Variants in HGS observed in about 807,000 individuals in gnomAD.
HGS encodes the protein hepatocyte growth factor-regulated tyrosine kinase substrate.
In HGS, 63 loss-of-function variants were observed where a neutral mutation model predicts 109.7. The ratio of observed to expected loss-of-function variants is 0.57; its 90% CI spans 0.47 to 0.71. The LOEUF (loss-of-function observed/expected upper bound fraction) is 0.71, where lower values mean the gene tolerates loss of function less well. Among genes scored for constraint, HGS ranks in the 30% least tolerant of loss-of-function variants. The pLI, the probability that HGS is intolerant of heterozygous loss-of-function variation, is 0.00. For missense variants in HGS, 995 were observed against 1,068.3 expected (o/e 0.93, Z 0.96); for synonymous variants, 546 against 437.3 (o/e 1.25, Z -3.10).
At position 81,685,022 on chromosome 17, in the gene HGS, C is replaced by A. The variant is rs767751439; in HGVS notation, c.38-583C>A. The A allele has an allele frequency of 7.1e-6, 7 of 985,264 alleles. No individual in the cohort carries two copies. The South Asian group carries it at 1.9e-4, about 26-fold the overall frequency. The allele number at this position is 985,264 out of a possible 1,614,324, so 61.0% of individuals were successfully genotyped here. A position where few individuals can be genotyped will look rare whatever the true frequency, so the allele number is the denominator to read the frequency against. ...TGTGGGCAGAGCTGGAGCTGCCCCCCCAGAGGGGCCAGTTGTTGGAGACAG... is the reference window on the plus strand; with the variant it reads ...TGTGGGCAGAGCTGGAGCTGCCCCCACAGAGGGGCCAGTTGTTGGAGACAG... On this transcript the variant is annotated intron_variant, in intron 1 of 21. Coordinates refer to ENST00000329138, the MANE Select transcript of HGS (RefSeq NM_004712.5).
chr17:81,697,138 T>G (rs1342980371), intron 18 of HGS, 140 bp downstream of exon 18: 3 of 970,782 alleles, frequency 3.1e-6, no homozygotes, highest in South Asian at 1.9e-5. Context: ...TTTTCCTGTT[T>G]CCATGCAAAC....
chr17:81,695,619 C>T (rs1246387443), intron 14 of HGS, 167 bp from the exon 15 acceptor site: 15 of 656,880 alleles, frequency 2.3e-5, no homozygotes, highest in East Asian at 8.2e-5. Flanking sequence ...ACAAGGACCC[C>T]GCCTCCAGGG....
intron 14 of HGS, 135 bp downstream of exon 14, chr17:81,695,358 GCCTGC>G (rs960462351): frequency 2.5e-4 from 227 of 920,956 alleles, no homozygotes; most frequent in Middle Eastern, 2.4e-3. Context: ...CCCAGCCCTG[GCCTGC>G]CCTGCCCTGC....
rs1236550221 is a variant in HGS at position 81,690,166 on chromosome 17, G to A, written c.416-16G>A. ...CCAGGTGGGAGCAGGCAGTGACTATGGCTTCATCTCTCCAGGGCACGTCTT... is the reference window on the plus strand; with the variant it reads ...CCAGGTGGGAGCAGGCAGTGACTATAGCTTCATCTCTCCAGGGCACGTCTT... On this transcript the variant is annotated splice_polypyrimidine_tract_variant and intron_variant, in intron 5 of 21. Transcript: ENST00000329138. The A allele has an allele frequency of 1.2e-6, 2 of 1,612,038 alleles. No homozygotes were observed. Among genetic ancestry groups the A allele is most frequent in the African/African-American group, 1.3e-5 (1 of 74,908 alleles).
At position 81,695,052 on chromosome 17, in the gene HGS, C is replaced by G; in HGVS notation, c.1104C>G (p.Pro368=). Residue 368 remains proline, a synonymous_variant, in exon 13 of 22, where the codon CCC becomes CCG. Transcript: ENST00000329138. ...AAQPGEGHAA[P]TNVVENPLPE... ...AGCCTGGGGAAGGGCACGCAGCCCC[C>G]ACCAACGTGGTGGAGGTGAGGGGGC... is the stretch of plus-strand genomic sequence containing the variant. 6.2e-7 allele frequency: 1 copy of G among 1,613,436 alleles called. No individual in the cohort carries two copies. Among genetic ancestry groups the G allele is most frequent in the Non-Finnish European group, 8.5e-7 (1 of 1,179,506 alleles).
At chr17:81,693,396 ACT>A (rs1598747085) in intron 8 of HGS, 105 bp from the exon 9 acceptor site, 2 of 802,482 alleles carry the variant, frequency 2.5e-6, no homozygotes, top group East Asian at 4.9e-5. Flanking sequence ...CACTGTCCTC[ACT>A]CTGTGGGGAC....
chr17:81,695,602 C>A, intron 14 of HGS, 184 bp from the exon 15 acceptor site: 2 of 628,602 alleles, frequency 3.2e-6, no homozygotes, highest in Middle Eastern at 4.3e-4. Context: ...CCAGGGCTTG[C>A]AGCTGGACAA....
chr17:81,696,344 C>T lies in HGS; in HGVS notation c.1394-13C>T, dbSNP rs1598749109. ...GCCGGAGTGGTCAGGGTTGCTCTGTCATCTGCCCACAGTGTACTATGAGGG... is the reference window on the plus strand; with the variant it reads ...GCCGGAGTGGTCAGGGTTGCTCTGTTATCTGCCCACAGTGTACTATGAGGG... On this transcript the variant is annotated splice_polypyrimidine_tract_variant and intron_variant, in intron 15 of 21. Coordinates refer to ENST00000329138, the MANE Select transcript of HGS (RefSeq NM_004712.5). The T allele has an allele frequency of 1.3e-6, 2 of 1,556,684 alleles. No individual in the cohort carries two copies. The highest frequency in any genetic ancestry group is 1.7e-6 in the Non-Finnish European group (2 of 1,155,732).
chr17:81,700,169 A>C (rs1243855607), intron 18 of HGS, among the ~76,000 whole-genome samples: 1 of 151,716 alleles, frequency 6.6e-6, no homozygotes, highest in Non-Finnish European at 1.5e-5. Flanking sequence ...GATCAAGACA[A>C]TCCTGGCCAA....
In HGS at chr17:81,696,338, C is replaced by A; in HGVS notation, c.1394-19C>A. On this transcript the variant is annotated intron_variant, in intron 15 of 21. Transcript: ENST00000329138. The stretch of plus-strand genomic sequence containing the variant: ...CACTGTGCCGGAGTGGTCAGGGTTG[C>A]TCTGTCATCTGCCCACAGTGTACTA... The A allele has an allele frequency of 1.3e-6, 2 of 1,548,604 alleles. No homozygotes were observed. The highest frequency in any genetic ancestry group is 1.7e-6 in the Non-Finnish European group (2 of 1,151,526).
chr17:81,697,154 C>T (rs1336179911), intron 18 of HGS, 156 bp downstream of exon 18: 1 of 803,644 alleles, frequency 1.2e-6, no homozygotes, highest in Non-Finnish European at 1.9e-6. Context: ...CAAACGCACT[C>T]ACACAGGCTT....
chr17:81,684,746 C>T (rs1279164630), intron 1 of HGS, among the ~76,000 whole-genome samples: 2 of 152,144 alleles, frequency 1.3e-5, no homozygotes, highest in Admixed American at 6.5e-5. Context: ...GAAAATGCGT[C>T]TAATGTTTGG....
Position 81,685,592 on chromosome 17 carries a change from T to C in HGS, c.38-13T>C, listed in dbSNP as rs781353968. The C allele has an allele frequency of 6.2e-7, 1 of 1,603,342 alleles. No individual in the cohort carries two copies. Among genetic ancestry groups the C allele is most frequent in the South Asian group, 1.1e-5 (1 of 89,552 alleles). ...AGGATAACCCCTCCCTTTCATGGCA[T>C]TTTCTCTCTCAGACAAGGCGACCAG... On this transcript the variant is annotated splice_polypyrimidine_tract_variant and intron_variant, in intron 1 of 21. Transcript: ENST00000329138.
intron 1 of HGS, chr17:81,684,368 C>G (rs1203770117): frequency 2.9e-6 from 1 of 344,430 alleles, no homozygotes; most frequent in African/African-American, 2.1e-5. Flanking sequence ...CGCTCCTCCG[C>G]GGGCCCGGGC....
intron 15 of HGS, 164 bp downstream of exon 15, chr17:81,696,163 A>ATGCCCTGCCCTGCCCTGCCC (rs58903919): frequency 3.8e-5 from 29 of 768,986 alleles, no homozygotes; most frequent in African/African-American, 5.3e-5. Flanking sequence ...AGTGATGACC[A>ATGCCCTGCCCTGCCCTGCCC]TGCCCTGCCC....
Position 81,690,233 on chromosome 17 carries a change from G to A in HGS, c.467G>A (p.Arg156Lys). Residue 156 changes from arginine to lysine, a missense_variant and splice_region_variant, in exon 6 of 22, where the codon AGA becomes AAA. By Grantham distance (26) the Arg-to-Lys change is conservative. Coordinates refer to ENST00000329138, the MANE Select transcript of HGS (RefSeq NM_004712.5). ...AGCGATGCCATGTTTGCTGCCGAGA[G>A]AGTGAGTGTGGGCGGCCGCCAGGGG... is the stretch of plus-strand genomic sequence containing the variant. ...KESDAMFAAE[R>K]APDWVDAEEC... 1 of 1,613,914 alleles carries A rather than the reference G, an allele frequency of 6.2e-7. No homozygotes were observed. The highest frequency in any genetic ancestry group is 1.3e-5 in the African/African-American group (1 of 75,056).
chr17:81,696,613 C>G lies in HGS; in HGVS notation c.1573C>G (p.Leu525Val), dbSNP rs753580439. 14 of 1,606,556 alleles carry G rather than the reference C, an allele frequency of 8.7e-6. No homozygotes were observed. Among genetic ancestry groups the G allele is most frequent in the Non-Finnish European group, 1.2e-5 (14 of 1,176,656 alleles). Residue 525 changes from leucine (L) to valine (V), a missense_variant, in exon 17 of 22, where the codon CTG becomes GTG. This residue lies in a region of HGS where 163 missense variants were observed against 217.8 expected (regional missense o/e 0.75). Transcript: ENST00000329138. ...GCATGTTTTTGCCGCACAGGAGTAC[C>G]TGGAGGTGCAGAGGCAGCTGGCCAT... The part of the protein sequence containing the change: ...EIMRQKKQEY[L>V]EVQRQLAIQR...
Position 81,695,810 on chromosome 17 carries a change from G to A in HGS, c.1204G>A (p.Glu402Lys). The change falls in exon 15 of 22, where the codon GAG (glutamate) becomes AAG (lysine). Residue 402 changes from glutamate (E) to lysine (K), a missense_variant. Transcript: ENST00000329138. ...GCCACAGTTCCACAATGGCGAGTCT[G>A]AGGAGAGCCACGAGCAGTTCCTGAA... ...SEPQFHNGES[E>K]ESHEQFLKAL... 5 of 1,613,506 alleles carry A rather than the reference G, an allele frequency of 3.1e-6. No individual in the cohort carries two copies. The highest frequency in any genetic ancestry group is 4.2e-6 in the Non-Finnish European group (5 of 1,180,014).
intron 18 of HGS, 45 bp from the exon 19 acceptor site, chr17:81,700,422 C>T (rs778313774): frequency 4.0e-6 from 6 of 1,501,206 alleles, no homozygotes; most frequent in Non-Finnish European, 4.4e-6. Flanking sequence ...TCCTCTCCTC[C>T]CTGTTGCCCT....
Sources: gnomAD v4.1 joint callset for allele counts (sites outside exome capture counted in the v4.1 genomes callset) on GRCh38, gnomAD v4.1.1 for gene constraint, gnomAD v4.1.1 regional missense constraint, MANE v1.5 for transcripts, NCBI Gene and HGNC (gene_info 2026-07-23, HGNC 2026-07-21) for gene names.